Variants in LRRC7 observed in about 807,000 individuals in gnomAD.
LRRC7 encodes the protein leucine-rich repeat-containing protein 7.
A neutral mutation model predicts 175.7 loss-of-function variants in LRRC7; 23 were observed. The ratio of observed to expected loss-of-function variants is 0.13; its 90% CI spans 0.09 to 0.19. The LOEUF (loss-of-function observed/expected upper bound fraction) is 0.19, where lower values mean the gene tolerates loss of function less well. LRRC7 is among the 10% of genes least tolerant of loss of function. The probability of loss-of-function intolerance (pLI) is 1.00; values close to 1 mark genes in which losing one functional copy is unlikely to be tolerated. For synonymous variants in LRRC7, 685 were observed against 680.9 expected (o/e 1.01, Z -0.09); for missense variants, 1,354 against 1,904.7 (o/e 0.71, Z 5.38).
intron 1 of LRRC7, among the ~76,000 whole-genome samples, chr1:69,571,535 G>C (rs1458820066): frequency 6.6e-6 from 1 of 152,080 alleles, no homozygotes; most frequent in Admixed American, 6.5e-5. Context: ...GTTCATTCCA[G>C]TGGTACTTGT....
chr1:69,929,289 T>A (rs558655985), intron 7 of LRRC7, among the ~76,000 whole-genome samples: 15 of 152,322 alleles, frequency 9.8e-5, no homozygotes, highest in African/African-American at 3.6e-4. Flanking sequence ...ATGTCTATGC[T>A]TGTTTATGCA....
chr1:69,857,599 C>T lies in LRRC7; in HGVS notation c.647+19316C>T, dbSNP rs537221073. On this transcript the variant is annotated intron_variant, in intron 7 of 26. Coordinates refer to ENST00000651989, the MANE Select transcript of LRRC7 (RefSeq NM_001370785.2). ...AGGAGAACTACAAACTACTGCTCAA[C>T]GAAATAAAAGAGGACACAAACAAAT... is the stretch of plus-strand genomic sequence containing the variant. Among the ~76,000 whole-genome samples the T allele has an allele frequency of 2.3e-3, 346 of 152,010 alleles. 2 individuals are homozygous for T. The highest frequency in any genetic ancestry group is 3.4e-3 in the Non-Finnish European group (230 of 67,966).
chr1:69,988,198 C>T (rs922243674), intron 10 of LRRC7, among the ~76,000 whole-genome samples: 3 of 152,124 alleles, frequency 2.0e-5, no homozygotes, highest in African/African-American at 7.2e-5. Flanking sequence ...TATTTTTCTT[C>T]ATTACTGACT....
At chr1:69,759,576 C>A (rs948832986) in intron 2 of LRRC7, among the ~76,000 whole-genome samples, 2 of 151,914 alleles carry the variant, frequency 1.3e-5, no homozygotes, top group African/African-American at 4.8e-5. Flanking sequence ...ATAACCAATC[C>A]AATTATAATC....
chr1:70,126,014 G>C lies in LRRC7; in HGVS notation c.*4127G>C, dbSNP rs1013162800. 2.0e-5 allele frequency among the ~76,000 whole-genome samples: 3 copies of C among 151,860 alleles called. No homozygotes were observed. The highest frequency in any genetic ancestry group is 4.4e-5 in the Non-Finnish European group (3 of 67,950). On this transcript the variant is annotated 3_prime_UTR_variant, in exon 27 of 27. Transcript: ENST00000651989. ...CCAGTGTAAAGCTTTGGAAAATGTA[G>C]TGTGCTTGCCACCTTGTCTTTCCGT... is the stretch of plus-strand genomic sequence containing the variant.
intron 3 of LRRC7, among the ~76,000 whole-genome samples, chr1:69,771,671 T>C (rs2100986903): frequency 6.6e-6 from 1 of 152,308 alleles, no homozygotes; most frequent in South Asian, 2.1e-4. Context: ...TGATTACCAA[T>C]TATGTGCAAG....
chr1:69,901,599 T>C (rs752927759), intron 7 of LRRC7, among the ~76,000 whole-genome samples: 1 of 152,166 alleles, frequency 6.6e-6, no homozygotes, highest in African/African-American at 2.4e-5. Context: ...AGGGAAATAA[T>C]TGTCTGAACC....
chr1:69,875,154 T>C (rs533831153), intron 7 of LRRC7: 14 of 152,198 alleles, frequency 9.2e-5, no homozygotes, highest in Non-Finnish European at 1.9e-4. Context: ...AAACATTCTA[T>C]GTGAAAGTAG....
chr1:69,737,790 T>C (rs1465009804), intron 2 of LRRC7, among the ~76,000 whole-genome samples: 4 of 152,096 alleles, frequency 2.6e-5, no homozygotes, highest in African/African-American at 9.7e-5. Flanking sequence ...TGTGGTTGTG[T>C]CTTTTCCTTG....
chr1:69,834,537 C>A (rs2101326096), intron 5 of LRRC7, among the ~76,000 whole-genome samples: 1 of 152,196 alleles, frequency 6.6e-6, no homozygotes, highest in East Asian at 1.9e-4. Flanking sequence ...CTGATTTTAG[C>A]AGTGACATAA....
chr1:69,664,407 T>G (rs1414118533), intron 1 of LRRC7, among the ~76,000 whole-genome samples: 1 of 152,214 alleles, frequency 6.6e-6, no homozygotes, highest in Admixed American at 6.5e-5. Context: ...GTGGTTGTAC[T>G]AATTTACATT....
At chr1:69,592,446 C>T (rs1421171847) in intron 1 of LRRC7, among the ~76,000 whole-genome samples, 2 of 151,926 alleles carry the variant, frequency 1.3e-5, no homozygotes, top group Non-Finnish European at 2.9e-5. Context: ...TTTTTAGAAA[C>T]ACTTGAATAT....
rs1666529586 is a variant in LRRC7, at chr1:70,128,322, A to G, written c.*6435A>G. ...GGTGTAGAAATTGGTGTTGAAAGAAAGTTAAATGAATCACCCAATCTTTCT... is the reference window on the plus strand; with the variant it reads ...GGTGTAGAAATTGGTGTTGAAAGAAGGTTAAATGAATCACCCAATCTTTCT... On this transcript the variant is annotated 3_prime_UTR_variant, in exon 27 of 27. Coordinates refer to ENST00000651989, the MANE Select transcript of LRRC7 (RefSeq NM_001370785.2). 1.3e-5 allele frequency among the ~76,000 whole-genome samples: 2 copies of G among 152,098 alleles called. No individual in the cohort carries two copies. The highest frequency in any genetic ancestry group is 2.9e-5 in the Non-Finnish European group (2 of 68,000).
intron 4 of LRRC7, among the ~76,000 whole-genome samples, chr1:69,820,520 C>T (rs1021338714): frequency 2.0e-5 from 3 of 151,680 alleles, no homozygotes; most frequent in African/African-American, 7.3e-5. Context: ...TCTTCCCTAG[C>T]CCCCCAACAG....
intron 7 of LRRC7, among the ~76,000 whole-genome samples, chr1:69,907,894 A>C: frequency 6.6e-6 from 1 of 151,658 alleles, no homozygotes; most frequent in South Asian, 2.1e-4. Flanking sequence ...CTGGTCCTGG[A>C]CTCTTTTTGG....
At chr1:70,048,390 A>G (rs891188902) in intron 22 of LRRC7, among the ~76,000 whole-genome samples, 2 of 152,092 alleles carry the variant, frequency 1.3e-5, no homozygotes, top group Admixed American at 6.6e-5. Flanking sequence ...CAAAGAACTC[A>G]CCTGTATTGT....
chr1:70,088,360 T>C lies in LRRC7; in HGVS notation c.4453-1367T>C, dbSNP rs144876212. On this transcript the variant is annotated intron_variant, in intron 24 of 26. Coordinates refer to ENST00000651989, the MANE Select transcript of LRRC7 (RefSeq NM_001370785.2). ...TCACTTGAGGACAGGAGTTCGAGAC[T>C]AGCCCGGGCAACACAGCAAGACTCT... 3.3e-3 allele frequency among the ~76,000 whole-genome samples: 507 copies of C among 152,044 alleles called. 1 individual carries two copies. Among genetic ancestry groups the C allele is most frequent in the African/African-American group, 0.01 (420 of 41,492 alleles).
intron 7 of LRRC7, among the ~76,000 whole-genome samples, chr1:69,868,916 TATGTAC>T (rs1024539661): frequency 1.4e-4 from 15 of 106,408 alleles, no homozygotes; most frequent in African/African-American, 4.3e-4. Context: ...TATATGTACA[TATGTAC>T]ATATATATAT....
At chr1:69,645,841 T>C (rs1218064664) in intron 1 of LRRC7, among the ~76,000 whole-genome samples, 1 of 152,118 alleles carries the variant, frequency 6.6e-6, no homozygotes, top group Non-Finnish European at 1.5e-5. Flanking sequence ...TTGTTTTGGT[T>C]TGGAACTATG....
Sources: gnomAD v4.1 joint callset for allele counts (sites outside exome capture counted in the v4.1 genomes callset) on GRCh38, gnomAD v4.1.1 for gene constraint, MANE v1.5 for transcripts, NCBI Gene and HGNC (gene_info 2026-07-23, HGNC 2026-07-21) for gene names.